The following ITGA1 variants were observed in gnomAD, a reference collection of about 807,000 sequenced individuals.
ITGA1 encodes the protein integrin alpha-1.
Under a neutral mutation model 145.9 loss-of-function variants are expected in ITGA1, and 85 were observed. The ratio of observed to expected loss-of-function variants is 0.58; its 90% CI spans 0.49 to 0.70. ITGA1 has a LOEUF of 0.70. Among genes scored for constraint, ITGA1 ranks in the 30% least tolerant of loss-of-function variants. The pLI, the probability that ITGA1 is intolerant of heterozygous loss-of-function variation, is 0.00. For synonymous variants in ITGA1, 520 were observed against 495.3 expected, an observed-to-expected ratio of 1.05 and a Z score of -0.66; for missense variants, 1,351 against 1,418.7, an observed-to-expected ratio of 0.95 and a Z score of 0.77.
chr5:52,856,982 C>T (rs984287306), intron 2 of ITGA1, among the ~76,000 whole-genome samples: 1 of 152,158 alleles, frequency 6.6e-6, no homozygotes, highest in East Asian at 1.9e-4. Context: ...CTCTTATCCT[C>T]TGTTAAGCAA....
rs2936573 is a variant in ITGA1 at position 52,824,298 on chromosome 5, T to C, written c.62-25067T>C. ...GATTGTTCTCTCTTTTCTTTCTTTT[T>C]TTTTTTTTTTTTAGACGGAATCTTG... On this transcript the variant is annotated intron_variant, in intron 1 of 28. Coordinates refer to ENST00000282588, the MANE Select transcript of ITGA1 (RefSeq NM_181501.2). 0.015 allele frequency: 2,334 copies of C among 151,580 alleles called. 120 individuals carry two copies. The East Asian group carries it at 0.21, about 14-fold the overall frequency. The allele number at this position is 151,580 out of a possible 1,614,324, so 9.4% of individuals were successfully genotyped here.
At position 52,952,430 on chromosome 5, in the gene ITGA1, G is replaced by GA; in HGVS notation, c.3524dup (p.Lys1176GlufsTer33). The GA allele has an allele frequency of 7.1e-7, 1 of 1,410,396 alleles. No homozygotes were observed. The highest frequency in any genetic ancestry group is 9.7e-7 in the Non-Finnish European group (1 of 1,031,466). The allele number at this position is 1,410,396 out of a possible 1,614,324, so 87.4% of individuals were successfully genotyped here. ...AGATTGGATTCTTCAAAAGACCACTGAAAAAGAAAATGGAGAAATGAAATA... is the reference window on the plus strand; with the variant it reads ...AGATTGGATTCTTCAAAAGACCACTGAAAAAAGAAAATGGAGAAATGAAATA... On this transcript the variant is annotated frameshift_variant, in exon 29 of 29. Coordinates refer to ENST00000282588, the MANE Select transcript of ITGA1 (RefSeq NM_181501.2). LOFTEE classifies it high-confidence loss of function.
chr5:52,914,528 C>T (rs926150693), intron 14 of ITGA1, among the ~76,000 whole-genome samples: 5 of 150,178 alleles, frequency 3.3e-5, no homozygotes, highest in Admixed American at 6.7e-5. Context: ...CCCAGCTATT[C>T]GGGAGGCAGA....
chr5:52,908,933 T>C lies in ITGA1; in HGVS notation c.1491T>C (p.Thr497=). The part of the protein sequence containing the change: ...GSYFGSILTT[T]DIDKDSNTDI... ...ACTTTGGCAGTATTTTAACAACAAC[T>C]GACATTGACAAGGATTCTAATACTG... Residue 497 remains threonine, a synonymous_variant, in exon 13 of 29, where the codon ACT becomes ACC. Transcript: ENST00000282588. 1 of 1,613,888 alleles carries C rather than the reference T, an allele frequency of 6.2e-7. No individual in the cohort carries two copies. Among genetic ancestry groups the C allele is most frequent in the East Asian group, 2.2e-5 (1 of 44,830 alleles).
intron 20 of ITGA1, among the ~76,000 whole-genome samples, chr5:52,928,625 ACT>A (rs1444523252): frequency 1.3e-5 from 2 of 152,194 alleles, no homozygotes; most frequent in African/African-American, 4.8e-5. Context: ...CCAGGCAACC[ACT>A]AACCTGCTTT....
At position 52,914,223 on chromosome 5, in the gene ITGA1, T is replaced by G. The variant is rs1007386772; in HGVS notation, c.1858-1241T>G. 2.0e-5 allele frequency among the ~76,000 whole-genome samples: 3 copies of G among 152,166 alleles called. No homozygotes were observed. In the East Asian group the frequency reaches 5.8e-4, roughly 29 times the overall value. ...GCAAAATGTTTTTCCAAGGAATAGGTGAAGATGTGCTTACTCATTTCCATG... is the reference window on the plus strand; with the variant it reads ...GCAAAATGTTTTTCCAAGGAATAGGGGAAGATGTGCTTACTCATTTCCATG... On this transcript the variant is annotated intron_variant, in intron 14 of 28. Transcript: ENST00000282588.
intron 2 of ITGA1, among the ~76,000 whole-genome samples, chr5:52,850,192 C>T (rs1010763806): frequency 2.0e-5 from 3 of 151,534 alleles, no homozygotes; most frequent in African/African-American, 4.9e-5. Flanking sequence ...AGTAGAGACA[C>T]GGTTTCACCA....
chr5:52,868,957 G>A (rs1749732724), intron 6 of ITGA1, among the ~76,000 whole-genome samples: 1 of 152,160 alleles, frequency 6.6e-6, no homozygotes, highest in Non-Finnish European at 1.5e-5. Context: ...TATAGCTTGG[G>A]TAATAGTGGG....
At chr5:52,908,356 C>A (rs976870461) in intron 12 of ITGA1, among the ~76,000 whole-genome samples, 4 of 152,160 alleles carry the variant, frequency 2.6e-5, no homozygotes, top group Non-Finnish European at 4.4e-5. Context: ...CATATTGCTA[C>A]AAGGGATGAT....
At chr5:52,800,312 C>T in intron 1 of ITGA1, 4 of 1,510,452 alleles carry the variant, frequency 2.6e-6, no homozygotes, top group Middle Eastern at 2.4e-4. Flanking sequence ...CCTTCCTGGC[C>T]TGCATTCCCA....
At chr5:52,832,662 T>C (rs984668853) in intron 1 of ITGA1, among the ~76,000 whole-genome samples, 1 of 143,754 alleles carries the variant, frequency 7.0e-6, no homozygotes, top group Non-Finnish European at 1.5e-5. Context: ...TATGTTAGAA[T>C]AAAGAATGAA....
intron 9 of ITGA1, 94 bp downstream of exon 9, chr5:52,893,934 C>CT (rs35782834): frequency 0.19 from 125,991 of 677,224 alleles, 3,828 homozygotes; most frequent in East Asian, 0.22. Context: ...ATCAGTAATA[C>CT]TTTTTTTTTT....
chr5:52,877,601 A>G (rs1360859118), intron 6 of ITGA1, among the ~76,000 whole-genome samples: 1 of 152,180 alleles, frequency 6.6e-6, no homozygotes, highest in Non-Finnish European at 1.5e-5. Flanking sequence ...CCACCTCTTA[A>G]TGTACATGTG....
chr5:52,910,578 T>C (rs180902813), intron 14 of ITGA1, among the ~76,000 whole-genome samples, 159 bp downstream of exon 14: 13 of 149,750 alleles, frequency 8.7e-5, no homozygotes, highest in Admixed American at 2.0e-4. Flanking sequence ...GATTAGTTAC[T>C]ATATATATAT....
At chr5:52,879,218 T>C (rs970310693) in intron 6 of ITGA1, among the ~76,000 whole-genome samples, 1 of 151,992 alleles carries the variant, frequency 6.6e-6, no homozygotes, top group Non-Finnish European at 1.5e-5. Flanking sequence ...CAGTGGATAC[T>C]AGATTAATAG....
chr5:52,848,533 T>C (rs10051793), intron 1 of ITGA1, among the ~76,000 whole-genome samples: 2,324 of 152,334 alleles, frequency 0.015, 59 homozygotes, highest in African/African-American at 0.05. Context: ...TGTTAATATT[T>C]GTGTTCTTTA....
chr5:52,869,227 C>A (rs1223191228), intron 6 of ITGA1, among the ~76,000 whole-genome samples: 1 of 152,200 alleles, frequency 6.6e-6, no homozygotes, highest in Non-Finnish European at 1.5e-5. Flanking sequence ...ATGGTACGAT[C>A]TTGGCTCACT....
chr5:52,890,896 G>A (rs1054965770), intron 8 of ITGA1, among the ~76,000 whole-genome samples: 2 of 152,044 alleles, frequency 1.3e-5, no homozygotes, highest in African/African-American at 4.8e-5. Flanking sequence ...ACTCTTTCCA[G>A]CCTTTGATAA....
At chr5:52,898,027 A>C (rs373609352) in intron 10 of ITGA1, among the ~76,000 whole-genome samples, 1 of 152,152 alleles carries the variant, frequency 6.6e-6, no homozygotes, top group Non-Finnish European at 1.5e-5. Context: ...TTACTGTATA[A>C]CTTGGGTAAG....
Sources: gnomAD v4.1 joint callset for allele counts (sites outside exome capture counted in the v4.1 genomes callset) on GRCh38, gnomAD v4.1.1 for gene constraint, MANE v1.5 for transcripts, NCBI Gene and HGNC (gene_info 2026-07-23, HGNC 2026-07-21) for gene names.